Variants in ZNF536 observed in about 807,000 individuals in gnomAD.
The protein encoded by ZNF536 is zinc finger protein 536.
Under a neutral mutation model 84.5 loss-of-function variants are expected in ZNF536, and 13 were observed. The observed-to-expected ratio is 0.15, with a 90% CI of 0.10 to 0.24. ZNF536 has a LOEUF of 0.24. ZNF536 is among the 10% of genes least tolerant of loss of function. The pLI is 1.00. For synonymous variants in ZNF536, 811 were observed against 742.5 expected (o/e 1.09, Z -1.50); for missense variants, 1,536 against 1,747.5 (o/e 0.88, Z 2.16).
At position 30,300,812 on chromosome 19, in the gene ZNF536, G is replaced by A. The variant is rs553138751; in HGVS notation, c.-120+16671G>A. 6.6e-5 allele frequency: 10 copies of A among 152,270 alleles called. No homozygotes were observed. In the East Asian group the frequency reaches 1.6e-3, roughly 24 times the overall value. The allele number at this position is 152,270 out of a possible 1,614,324, so 9.4% of individuals were successfully genotyped here. ...ATGATCGCAACGGGGGGAGCCTGGC[G>A]AGGGCTGGACCCAGCGCTTATAGTA... On this transcript the variant is annotated intron_variant, in intron 2 of 5. Transcript: ENST00000585628.
In ZNF536 at chr19:30,390,669, G is replaced by A. The variant is rs1343635849; in HGVS notation, c.-3+18113G>A. ...TCTATCGGAGCCTGGAGTGTCCTCT[G>A]TAGCCCTTAGAAACAGTCCATGGCA... On this transcript the variant is annotated intron_variant, in intron 1 of 4. Coordinates refer to ENST00000355537, the MANE Select transcript of ZNF536 (RefSeq NM_014717.3). Among the ~76,000 whole-genome samples, 5 of 152,216 alleles carry A rather than the reference G, an allele frequency of 3.3e-5. No individual in the cohort carries two copies. In the East Asian group the frequency reaches 9.6e-4, roughly 29 times the overall value.
chr19:30,533,023 A>AG (rs2044910829), intron 2 of ZNF536, among the ~76,000 whole-genome samples: 2 of 152,166 alleles, frequency 1.3e-5, no homozygotes, highest in Non-Finnish European at 2.9e-5. Context: ...GCAAAATTAT[A>AG]GGAAAAAAAA....
intron 1 of ZNF536, among the ~76,000 whole-genome samples, chr19:30,402,796 A>ATATATTT: frequency 1.2e-5 from 1 of 85,598 alleles, no homozygotes; most frequent in Non-Finnish European, 2.4e-5. Flanking sequence ...AAAATTAAAA[A>ATATATTT]ATATATATAT....
intron 1 of ZNF536, among the ~76,000 whole-genome samples, chr19:30,599,872 A>T (rs935843260): frequency 7.2e-5 from 11 of 152,116 alleles, no homozygotes; most frequent in Non-Finnish European, 1.6e-4. Flanking sequence ...TGATTTTCTG[A>T]AAAGCTGTAG....
At position 30,617,366 on chromosome 19, in the gene ZNF536, T is replaced by TTTTTTTTTTTTTTA. The variant is rs869281886; in HGVS notation, c.169+67852_169+67853insTTTTTTTTTTTTTA. Among the ~76,000 whole-genome samples, 35 of 115,976 alleles carry TTTTTTTTTTTTTTA rather than the reference T, an allele frequency of 3.0e-4. 3 individuals are homozygous for TTTTTTTTTTTTTTA. The highest frequency in any genetic ancestry group is 6.1e-4 in the Non-Finnish European group (34 of 55,744). The allele number at this position is 115,976 out of a possible 152,430, so 76.1% of individuals were successfully genotyped here. A position where few individuals can be genotyped will look rare whatever the true frequency, so the allele number is the denominator to read the frequency against. ...TTTTTTTTTTTTTTTTTTTTTTTTTTATGAGATGGAGTCTGACTCTGTCAC... is the reference window on the plus strand; with the variant it reads ...TTTTTTTTTTTTTTTTTTTTTTTTTTTTTTTTTTTTTTTAATGAGATGGAGTCTGACTCTGTCAC... On this transcript the variant is annotated intron_variant, in intron 1 of 1. Coordinates refer to the ZNF536 transcript ENST00000592773.
chr19:30,694,946 A>G (rs903294786), intron 1 of ZNF536, among the ~76,000 whole-genome samples: 1 of 152,194 alleles, frequency 6.6e-6, no homozygotes, highest in Non-Finnish European at 1.5e-5. Flanking sequence ...TCTGAGCTTC[A>G]ATGCAGGAAA....
chr19:30,340,450 T>C (rs947191589), intron 2 of ZNF536, among the ~76,000 whole-genome samples: 1 of 152,196 alleles, frequency 6.6e-6, no homozygotes, highest in African/African-American at 2.4e-5. Context: ...GAACAGGGCT[T>C]GGACTCGATG....
intron 1 of ZNF536, among the ~76,000 whole-genome samples, chr19:30,582,054 T>C (rs2046938633): frequency 6.6e-6 from 1 of 151,846 alleles, no homozygotes; most frequent in Non-Finnish European, 1.5e-5. Flanking sequence ...AAAAGAGAGG[T>C]GAGGGTCCGC....
At chr19:30,261,712 A>G (rs1006180584) in intron 1 of ZNF536, among the ~76,000 whole-genome samples, 8 of 151,816 alleles carry the variant, frequency 5.3e-5, no homozygotes, top group East Asian at 1.9e-4. Context: ...AAAAAAAAAA[A>G]AAAAAGAAAA....
At chr19:30,578,538 A>C (rs997525998) in intron 1 of ZNF536, among the ~76,000 whole-genome samples, 2 of 152,202 alleles carry the variant, frequency 1.3e-5, no homozygotes, top group Non-Finnish European at 2.9e-5. Context: ...TCTCTATGTA[A>C]GTTTTTCTGG....
chr19:30,419,319 G>A (rs1295211664), intron 1 of ZNF536, among the ~76,000 whole-genome samples: 4 of 152,136 alleles, frequency 2.6e-5, no homozygotes, highest in East Asian at 3.8e-4. Flanking sequence ...TAGCATTTCC[G>A]TACAGTTTTG....
At chr19:30,690,654 G>A (rs2051370802) in intron 1 of ZNF536, among the ~76,000 whole-genome samples, 1 of 152,104 alleles carries the variant, frequency 6.6e-6, no homozygotes, top group African/African-American at 2.4e-5. Flanking sequence ...GAGGGGTTTG[G>A]AGCCAGACCA....
At chr19:30,298,384 A>G (rs547075377) in intron 2 of ZNF536, among the ~76,000 whole-genome samples, 11 of 152,342 alleles carry the variant, frequency 7.2e-5, no homozygotes, top group African/African-American at 2.6e-4. Context: ...GTGCAGAGGC[A>G]CCATACCCTG....
chr19:30,527,431 C>T (rs553964265), intron 2 of ZNF536, among the ~76,000 whole-genome samples: 4 of 151,950 alleles, frequency 2.6e-5, no homozygotes, highest in South Asian at 2.1e-4. Context: ...ATCCCGACCC[C>T]GTTGGTAATA....
intron 1 of ZNF536, among the ~76,000 whole-genome samples, chr19:30,623,175 A>G (rs535312082): frequency 2.6e-5 from 4 of 151,788 alleles, no homozygotes; most frequent in Non-Finnish European, 4.4e-5. Context: ...TGCAGACTGC[A>G]CCTTCAAAAT....
At chr19:30,336,353 G>A (rs75955243) in intron 2 of ZNF536, among the ~76,000 whole-genome samples, 1,695 of 152,288 alleles carry the variant, frequency 0.011, 37 homozygotes, top group African/African-American at 0.039. Flanking sequence ...AACATGTGCC[G>A]AATGAGCGGA....
At chr19:30,419,786 T>G (rs1032395279) in intron 1 of ZNF536, among the ~76,000 whole-genome samples, 3 of 152,316 alleles carry the variant, frequency 2.0e-5, no homozygotes, top group Admixed American at 1.3e-4. Flanking sequence ...GGCGTGAGGC[T>G]TCTCTCACCA....
chr19:30,574,258 A>G (rs532444506), intron 1 of ZNF536, among the ~76,000 whole-genome samples: 62 of 152,336 alleles, frequency 4.1e-4, no homozygotes, highest in Middle Eastern at 3.4e-3. Flanking sequence ...TTCTCCATGC[A>G]TGGGGGTGAA....
At chr19:30,623,676 G>A (rs1265656043) in intron 1 of ZNF536, among the ~76,000 whole-genome samples, 3 of 152,312 alleles carry the variant, frequency 2.0e-5, no homozygotes, top group Admixed American at 1.3e-4. Flanking sequence ...CTCTCAGTGA[G>A]GCCTCCCTGA....
Sources: allele counts gnomAD v4.1 joint callset (sites outside exome capture counted in the v4.1 genomes callset), GRCh38; gene constraint gnomAD v4.1.1; transcripts MANE v1.5; gene names NCBI Gene and HGNC (gene_info 2026-07-23, HGNC 2026-07-21).